The following OCRL variants were observed in gnomAD, a reference collection of about 807,000 sequenced individuals.
OCRL encodes the protein OCRL inositol polyphosphate-5-phosphatase.
Under a neutral mutation model 78.9 loss-of-function variants are expected in OCRL, and 8 were observed. The observed-to-expected ratio is 0.10, with a 90% confidence interval of 0.06 to 0.18. The LOEUF (loss-of-function observed/expected upper bound fraction) is 0.18. Among genes scored for constraint, OCRL ranks in the 10% least tolerant of loss-of-function variants. The pLI, the probability that OCRL is intolerant of heterozygous loss-of-function variation, is 1.00. For missense variants in OCRL, 454 were observed against 696.7 expected (o/e 0.65, Z 3.92); for synonymous variants, 240 against 235.4 (o/e 1.02, Z -0.18).
At chrX:129,569,001 C>A (rs1401511433) in intron 14 of OCRL, among the ~76,000 whole-genome samples, 1 of 112,564 alleles carries the variant, frequency 8.9e-6, no homozygotes, top group East Asian at 2.8e-4. Flanking sequence ...ACCATTCATT[C>A]ATTAGATAAC....
At chrX:129,569,814 T>C (rs2124413280) in intron 15 of OCRL, among the ~76,000 whole-genome samples, 1 of 109,254 alleles carries the variant, frequency 9.2e-6, no homozygotes, top group Non-Finnish European at 1.9e-5. Flanking sequence ...TTAAGGGATA[T>C]AGTGTCATCC....
At position 129,557,305 on chromosome X, in the gene OCRL, T is replaced by C. The variant is rs376289741; in HGVS notation, c.239-20T>C. 1,687 of 1,176,018 alleles carry C rather than the reference T, an allele frequency of 1.4e-3. 1 individual carries two copies. Among genetic ancestry groups the C allele is most frequent in the Non-Finnish European group, 1.8e-3 (1,589 of 864,341 alleles). ...ATTTTATCCCATAGCAGTATATGTA[T>C]GGATTTCAATTCTTTTTAGGTGGCT... On this transcript the variant is annotated intron_variant, in intron 4 of 23. Coordinates refer to ENST00000371113, the MANE Select transcript of OCRL (RefSeq NM_000276.4).
intron 14 of OCRL, 35 bp from the exon 15 acceptor site, chrX:129,569,229 T>C: frequency 8.3e-7 from 1 of 1,204,863 alleles, no homozygotes; most frequent in Non-Finnish European, 1.1e-6. Flanking sequence ...TCTTGTGTGA[T>C]ATGTTCTCTT....
intron 12 of OCRL, among the ~76,000 whole-genome samples, chrX:129,564,690 G>A (rs1422306862): frequency 9.2e-6 from 1 of 108,278 alleles, no homozygotes; most frequent in East Asian, 2.9e-4. Flanking sequence ...ATGGACACAG[G>A]AAGGGGAACA....
chrX:129,573,034 A>G (rs938685071), intron 15 of OCRL, among the ~76,000 whole-genome samples: 2 of 112,026 alleles, frequency 1.8e-5, no homozygotes, highest in African/African-American at 6.5e-5. Flanking sequence ...TTTGGAAATT[A>G]AAAGTTGCAA....
At chrX:129,563,939 C>T (rs1490443106) in intron 12 of OCRL, among the ~76,000 whole-genome samples, 1 of 107,834 alleles carries the variant, frequency 9.3e-6, no homozygotes, top group East Asian at 2.9e-4. Context: ...GAACAGGCAA[C>T]CTACAAAATG....
At chrX:129,558,154 G>C (rs1304219282) in intron 6 of OCRL, among the ~76,000 whole-genome samples, 2 of 111,966 alleles carry the variant, frequency 1.8e-5, no homozygotes, top group Admixed American at 9.5e-5. Flanking sequence ...CAGCTTAGCA[G>C]GGTGGTAGAA....
intron 15 of OCRL, among the ~76,000 whole-genome samples, chrX:129,574,806 T>C (rs1437822272): frequency 8.9e-6 from 1 of 112,559 alleles, no homozygotes; most frequent in Non-Finnish European, 1.9e-5. Flanking sequence ...GTTTAACTTT[T>C]ACAGGACGTT....
chrX:129,569,978 G>A (rs1936278149), intron 15 of OCRL, among the ~76,000 whole-genome samples: 1 of 109,264 alleles, frequency 9.2e-6, no homozygotes, highest in East Asian at 2.8e-4. Flanking sequence ...CAGAGTGCTG[G>A]GATTACAGGC....
intron 8 of OCRL, among the ~76,000 whole-genome samples, chrX:129,559,768 G>T (rs903724631): frequency 9.0e-6 from 1 of 110,792 alleles, no homozygotes; most frequent in African/African-American, 3.3e-5. Context: ...GTCTATCTTG[G>T]GTTCTTTTAT....
chrX:129,576,178 C>A, intron 17 of OCRL, 116 bp downstream of exon 17: 1 of 928,801 alleles, frequency 1.1e-6, no homozygotes, highest in Non-Finnish European at 1.6e-6. Context: ...ATTGGTGATA[C>A]CTCTGGTGTG....
rs1489130853 is a variant in OCRL at position 129,591,245 on chromosome X, C to A, written c.*975C>A. 2 of 113,458 alleles carry A rather than the reference C, an allele frequency of 1.8e-5. No individual in the cohort carries two copies. Among genetic ancestry groups the A allele is most frequent in the Admixed American group, 9.5e-5 (1 of 10,543 alleles). The allele number at this position is 113,458 out of a possible 1,213,427, so 9.4% of individuals were successfully genotyped here. A position where few individuals can be genotyped will look rare whatever the true frequency, so the allele number is the denominator to read the frequency against. On this transcript the variant is annotated 3_prime_UTR_variant, in exon 24 of 24. Coordinates refer to ENST00000371113, the MANE Select transcript of OCRL (RefSeq NM_000276.4). ...CACAGCAAAGGTATTGTGGATGACC[C>A]TTAGAATCCATTCTCTGGTCTTCTG...
intron 14 of OCRL, among the ~76,000 whole-genome samples, chrX:129,568,118 T>A (rs1403942268): frequency 9.2e-6 from 1 of 108,455 alleles, no homozygotes. Context: ...GGGTTTCACC[T>A]TGTTAGCCAG....
chrX:129,586,176 A>G (rs775843174), intron 19 of OCRL, among the ~76,000 whole-genome samples: 75 of 111,916 alleles, frequency 6.7e-4, no homozygotes, highest in Non-Finnish European at 1.3e-3. Flanking sequence ...CAATTCACAT[A>G]TAGTGATTGA....
chrX:129,575,966 G>C lies in OCRL; in HGVS notation c.1783G>C (p.Val595Leu). The C allele has an allele frequency of 6.6e-6, 8 of 1,211,382 alleles. No homozygotes were observed. The highest frequency in any genetic ancestry group is 8.9e-6 in the Non-Finnish European group (8 of 895,153). ...GTTCCAGATCAGCAACAATGGACAGGTTCCCTGCCATTTTTCTTTCATCCC... is the reference window on the plus strand; with the variant it reads ...GTTCCAGATCAGCAACAATGGACAGCTTCCCTGCCATTTTTCTTTCATCCC... ...EKFQISNNGQ[V>L]PCHFSFIPKL... The change falls in exon 17 of 24, where the codon GTT becomes CTT. Residue 595 changes from valine (V) to leucine (L), a missense_variant. Transcript: ENST00000371113.
At chrX:129,561,339 C>A in intron 10 of OCRL, 46 bp downstream of exon 10, 1 of 781,231 alleles carries the variant, frequency 1.3e-6, no homozygotes, top group Non-Finnish European at 2.0e-6. Flanking sequence ...CTAAATAGGG[C>A]TCACCGGGAG....
At chrX:129,575,095 A>G in intron 15 of OCRL, 45 bp from the exon 16 acceptor site, 1 of 902,892 alleles carries the variant, frequency 1.1e-6, no homozygotes, top group Non-Finnish European at 1.6e-6. Flanking sequence ...AAGGGAGATG[A>G]GCTAGAAGGA....
intron 18 of OCRL, among the ~76,000 whole-genome samples, chrX:129,581,831 TTCTCTCTC>T (rs753415077): frequency 1.2e-4 from 8 of 65,618 alleles, no homozygotes; most frequent in South Asian, 9.7e-4. Context: ...CCCTTTGTCT[TTCTCTCTC>T]TCTCTCTCTC....
chrX:129,571,381 T>C (rs1316112696), intron 15 of OCRL, among the ~76,000 whole-genome samples: 1 of 104,735 alleles, frequency 9.5e-6, no homozygotes, highest in Non-Finnish European at 2.0e-5. Context: ...TTTTTTTTTT[T>C]TGAGACAGAG....
Sources: gnomAD v4.1 joint callset for allele counts (sites outside exome capture counted in the v4.1 genomes callset) on GRCh38, gnomAD v4.1.1 for gene constraint, MANE v1.5 for transcripts, NCBI Gene and HGNC (gene_info 2026-07-23, HGNC 2026-07-21) for gene names.